ATF2: variants seen among roughly 807,000 people sequenced by gnomAD.
ATF2 encodes the protein cyclic AMP-dependent transcription factor ATF-2.
Under a neutral mutation model 60.6 loss-of-function variants are expected in ATF2, and 24 were observed. That is an observed-to-expected ratio of 0.40 (90% CI 0.29 to 0.56). ATF2 has a LOEUF of 0.56. Among genes scored for constraint, ATF2 ranks in the 20% least tolerant of loss-of-function variants. The probability of loss-of-function intolerance (pLI) is 0.54; values close to 1 mark genes in which losing one functional copy is unlikely to be tolerated. For synonymous variants in ATF2, 206 were observed against 215.4 expected (o/e 0.96, Z 0.38); for missense variants, 433 against 607.7 (o/e 0.71, Z 3.02).
intron 1 of ATF2, among the ~76,000 whole-genome samples, chr2:175,163,203 C>T (rs1316706251): frequency 6.6e-6 from 1 of 150,616 alleles, no homozygotes; most frequent in Non-Finnish European, 1.5e-5. Flanking sequence ...ACATACTAGC[C>T]CGAACAGTAA....
At chr2:175,133,364 A>G (rs1697885386) in intron 3 of ATF2, among the ~76,000 whole-genome samples, 1 of 152,194 alleles carries the variant, frequency 6.6e-6, no homozygotes, top group Non-Finnish European at 1.5e-5. Context: ...CCTGATTTGT[A>G]CAAATGCTCA....
At chr2:175,117,552 G>C (rs1696666120) in intron 7 of ATF2, among the ~76,000 whole-genome samples, 1 of 151,904 alleles carries the variant, frequency 6.6e-6, no homozygotes, top group Non-Finnish European at 1.5e-5. Context: ...ATTCAAGCTA[G>C]TATCATCATC....
chr2:175,108,212 C>T (rs1220507461), intron 10 of ATF2, among the ~76,000 whole-genome samples: 1 of 151,842 alleles, frequency 6.6e-6, no homozygotes, highest in Non-Finnish European at 1.5e-5. Flanking sequence ...AGCCCCGCCG[C>T]CCGGCAGCCG....
At chr2:175,093,463 A>G (rs968254012) in intron 11 of ATF2, among the ~76,000 whole-genome samples, 196 bp from the exon 12 acceptor site, 1 of 152,226 alleles carries the variant, frequency 6.6e-6, no homozygotes, top group Non-Finnish European at 1.5e-5. Flanking sequence ...GAGCTATGCT[A>G]TAACACAATT....
chr2:175,155,931 G>A (rs1267311813), intron 1 of ATF2, among the ~76,000 whole-genome samples: 1 of 152,096 alleles, frequency 6.6e-6, no homozygotes, highest in African/African-American at 2.4e-5. Context: ...AAATGTACAA[G>A]GGTAGAGAAT....
chr2:175,121,651 A>C (rs1696959605), intron 4 of ATF2, 111 bp from the exon 5 acceptor site: 2 of 755,204 alleles, frequency 2.6e-6, no homozygotes, highest in African/African-American at 1.8e-5. Flanking sequence ...ACAGTGAAAT[A>C]GCAGTTTTTA....
chr2:175,078,036 C>G (rs969097714), intron 13 of ATF2, among the ~76,000 whole-genome samples: 7 of 152,206 alleles, frequency 4.6e-5, no homozygotes, highest in African/African-American at 1.4e-4. Flanking sequence ...GGCACGATCA[C>G]AGCTCACTGC....
chr2:175,074,827 T>C lies in ATF2; in HGVS notation c.1300A>G (p.Lys434Glu), dbSNP rs1693178397. 2 of 1,613,456 alleles carry C rather than the reference T, an allele frequency of 1.2e-6. No individual in the cohort carries two copies. Among genetic ancestry groups the C allele is most frequent in the Non-Finnish European group, 1.7e-6 (2 of 1,179,612 alleles). ...QKKSGYHTAD[K>E]DDSSEDISVP... ...GAAATGTCTTCTGAACTATCATCTTTATCAGCAGCTGGGTGGAAAAAAGAA... is the reference window on the plus strand; with the variant it reads ...GAAATGTCTTCTGAACTATCATCTTCATCAGCAGCTGGGTGGAAAAAAGAA... The change falls in exon 14 of 14, where the codon AAA (lysine) becomes GAA (glutamate). Residue 434 changes from lysine to glutamate, a missense_variant. Transcript: ENST00000264110.
At chr2:175,141,084 TAC>T (rs150440606) in intron 2 of ATF2, among the ~76,000 whole-genome samples, 64 of 133,580 alleles carry the variant, frequency 4.8e-4, no homozygotes, top group South Asian at 2.2e-3. Flanking sequence ...TATATATGTA[TAC>T]ACACACACAC....
chr2:175,167,688 G>A (rs761348011), intron 1 of ATF2: 4 of 503,640 alleles, frequency 7.9e-6, no homozygotes, highest in South Asian at 3.0e-5. Flanking sequence ...CGCGCCCCGA[G>A]GACCTCTGAA....
chr2:175,094,898 G>T (rs12994733), intron 11 of ATF2, among the ~76,000 whole-genome samples: 1 of 151,952 alleles, frequency 6.6e-6, no homozygotes, highest in Admixed American at 6.6e-5. Context: ...AGCCATGATC[G>T]CACCACTGTA....
chr2:175,158,746 C>A (rs988070096), intron 1 of ATF2, among the ~76,000 whole-genome samples: 1 of 151,710 alleles, frequency 6.6e-6, no homozygotes, highest in Non-Finnish European at 1.5e-5. Flanking sequence ...AGCCACTGCC[C>A]CTGGCCAGGA....
At chr2:175,150,299 A>C (rs952893411) in intron 2 of ATF2, among the ~76,000 whole-genome samples, 1 of 152,156 alleles carries the variant, frequency 6.6e-6, no homozygotes, top group African/African-American at 2.4e-5. Context: ...CAGGTGTGAC[A>C]AAAAACCCAA....
intron 7 of ATF2, among the ~76,000 whole-genome samples, chr2:175,117,437 T>G (rs1055802156): frequency 3.3e-5 from 5 of 151,986 alleles, no homozygotes; most frequent in Non-Finnish European, 7.4e-5. Context: ...CAAATAAATA[T>G]GTGCTTATTC....
chr2:175,123,489 G>A (rs2105724586), intron 4 of ATF2, among the ~76,000 whole-genome samples: 1 of 152,134 alleles, frequency 6.6e-6, no homozygotes, highest in East Asian at 1.9e-4. Context: ...AAGTTGGAAT[G>A]TTGTCGCCTA....
intron 1 of ATF2, among the ~76,000 whole-genome samples, chr2:175,160,859 C>A (rs1046575656): frequency 1.3e-5 from 2 of 151,924 alleles, no homozygotes; most frequent in African/African-American, 4.8e-5. Flanking sequence ...TGGGCAACGG[C>A]AAGACCCCAT....
rs1401530013 is a variant in ATF2 at position 175,074,361 on chromosome 2, G to T, written c.*248C>A. On this transcript the variant is annotated 3_prime_UTR_variant, in exon 14 of 14. Coordinates refer to ENST00000264110, the MANE Select transcript of ATF2 (RefSeq NM_001880.4). ...TGAATTATAATACAATTTACACATT[G>T]AGCACAGAAAAATTAATAAATCTAA... 5 of 289,502 alleles carry T rather than the reference G, an allele frequency of 1.7e-5. No homozygotes were observed. The highest frequency in any genetic ancestry group is 3.2e-5 in the Non-Finnish European group (5 of 157,264). 17.9% of individuals were successfully genotyped at this position (289,502 alleles called of 1,614,324 possible). A position where few individuals can be genotyped will look rare whatever the true frequency, so the allele number is the denominator to read the frequency against.
At chr2:175,109,658 T>A (rs1456638974) in intron 10 of ATF2, among the ~76,000 whole-genome samples, 1 of 152,256 alleles carries the variant, frequency 6.6e-6, no homozygotes, top group Non-Finnish European at 1.5e-5. Context: ...AAAAATACTT[T>A]TAGATGCAGT....
intron 2 of ATF2, among the ~76,000 whole-genome samples, chr2:175,149,306 T>C (rs1224518161): frequency 6.6e-6 from 1 of 152,198 alleles, no homozygotes; most frequent in Non-Finnish European, 1.5e-5. Flanking sequence ...AAGAAGACTA[T>C]GCAACAGAGA....
Sources: allele counts gnomAD v4.1 joint callset (sites outside exome capture counted in the v4.1 genomes callset), GRCh38; gene constraint gnomAD v4.1.1; transcripts MANE v1.5; gene names NCBI Gene and HGNC (gene_info 2026-07-23, HGNC 2026-07-21).